TNPO1: variants seen among roughly 807,000 people sequenced by gnomAD.
TNPO1 encodes transportin-1.
Under a neutral mutation model 119.5 loss-of-function variants are expected in TNPO1, and 8 were observed. That is an observed-to-expected ratio of 0.07 (90% CI 0.04 to 0.12). The LOEUF is 0.12. TNPO1 is among the 10% of genes least tolerant of loss of function. The pLI is 1.00. For missense variants in TNPO1, 576 were observed against 1,089.8 expected (o/e 0.53, Z 6.64); for synonymous variants, 362 against 363.0 (o/e 1.00, Z 0.03).
intron 1 of TNPO1, among the ~76,000 whole-genome samples, chr5:72,839,568 C>T (rs1463600595): frequency 6.6e-6 from 1 of 152,092 alleles, no homozygotes; most frequent in Non-Finnish European, 1.5e-5. Flanking sequence ...TATTATGTAA[C>T]TTTAAATAGT....
chr5:72,872,409 C>G (rs1412356090), intron 6 of TNPO1, among the ~76,000 whole-genome samples: 3 of 152,106 alleles, frequency 2.0e-5, no homozygotes, highest in Non-Finnish European at 4.4e-5. Flanking sequence ...CATGTCCTTT[C>G]TAACATTTTT....
At chr5:72,819,135 G>A (rs1743832434) in intron 1 of TNPO1, among the ~76,000 whole-genome samples, 2 of 152,156 alleles carry the variant, frequency 1.3e-5, no homozygotes, top group African/African-American at 4.8e-5. Flanking sequence ...GCAAGGCGCC[G>A]CCATCTGGTC....
rs1026126919 is a variant in TNPO1 at position 72,838,544 on chromosome 5, C to T, written c.16-9841C>T. On this transcript the variant is annotated intron_variant, in intron 1 of 24. Transcript: ENST00000337273. ...TTGCATCATAGCCTTTTTTTACCAG[C>T]TCCTTAAATTCAGTAAGTATAGCTA... Among the ~76,000 whole-genome samples the T allele has an allele frequency of 2.0e-5, 3 of 152,124 alleles. No homozygotes were observed. The East Asian group carries it at 5.8e-4, about 29-fold the overall frequency.
intron 9 of TNPO1, among the ~76,000 whole-genome samples, chr5:72,878,128 C>T (rs1430603989): frequency 1.3e-5 from 2 of 151,862 alleles, no homozygotes; most frequent in East Asian, 3.9e-4. Flanking sequence ...ACATAAATGA[C>T]GATTATATAT....
chr5:72,905,215 A>G, intron 23 of TNPO1, 88 bp from the exon 24 acceptor site: 1 of 986,228 alleles, frequency 1.0e-6, no homozygotes, highest in Non-Finnish European at 1.5e-6. Context: ...AAATTTATAA[A>G]AAAATCAGCT....
At chr5:72,849,299 G>T (rs1745374484) in intron 2 of TNPO1, among the ~76,000 whole-genome samples, 1 of 152,150 alleles carries the variant, frequency 6.6e-6, no homozygotes, top group South Asian at 2.1e-4. Context: ...TTTCTGTAGT[G>T]CCCTAAACCG....
chr5:72,860,864 C>G (rs1043356548), intron 4 of TNPO1, among the ~76,000 whole-genome samples: 6 of 151,932 alleles, frequency 3.9e-5, no homozygotes, highest in African/African-American at 1.5e-4. Flanking sequence ...TTAAGTGCTG[C>G]TAACGTTTTG....
chr5:72,848,195 A>C, intron 1 of TNPO1, 190 bp from the exon 2 acceptor site: 1 of 1,225,534 alleles, frequency 8.2e-7, no homozygotes, highest in Non-Finnish European at 1.0e-6. Context: ...CCGGGCTGCC[A>C]GGAGCAGTTC....
In TNPO1 at chr5:72,913,389, A is replaced by G. The variant is rs909758149; in HGVS notation, c.*4716A>G. On this transcript the variant is annotated 3_prime_UTR_variant, in exon 25 of 25. Coordinates refer to ENST00000337273, the MANE Select transcript of TNPO1 (RefSeq NM_002270.4). ...ATACATATTAATTTTTAAGGTATAC[A>G]TTTAAATTACACAATTGTTCATTGT... The G allele has an allele frequency of 1.3e-5, 2 of 152,376 alleles. No homozygotes were observed. Among genetic ancestry groups the G allele is most frequent in the Admixed American group, 6.5e-5 (1 of 15,274 alleles). 9.4% of individuals were successfully genotyped at this position (152,376 alleles called of 1,614,324 possible). A position where few individuals can be genotyped will look rare whatever the true frequency, so the allele number is the denominator to read the frequency against.
At chr5:72,829,296 G>A (rs1744341592) in intron 1 of TNPO1, among the ~76,000 whole-genome samples, 1 of 152,182 alleles carries the variant, frequency 6.6e-6, no homozygotes, top group Non-Finnish European at 1.5e-5. Context: ...GAGGGTTAGT[G>A]AGTAAAGACT....
At chr5:72,901,442 T>C (rs1399899812) in intron 22 of TNPO1, among the ~76,000 whole-genome samples, 2 of 152,240 alleles carry the variant, frequency 1.3e-5, no homozygotes, top group Non-Finnish European at 2.9e-5. Flanking sequence ...ATAGTAGGAA[T>C]ACTGTCTCTC....
intron 5 of TNPO1, among the ~76,000 whole-genome samples, chr5:72,863,925 G>A (rs1056864447): frequency 1.6e-4 from 25 of 152,138 alleles, no homozygotes; most frequent in Admixed American, 4.6e-4. Context: ...TTAAGCTGCA[G>A]TAATTGTGAA....
At chr5:72,907,917 G>A (rs1283121815) in intron 24 of TNPO1, among the ~76,000 whole-genome samples, 1 of 151,864 alleles carries the variant, frequency 6.6e-6, no homozygotes, top group Admixed American at 6.6e-5. Context: ...AGCTGGGCAT[G>A]GTGGTATGTA....
intron 22 of TNPO1, 38 bp downstream of exon 22, chr5:72,901,111 T>A: frequency 7.3e-7 from 1 of 1,365,498 alleles, no homozygotes; most frequent in Non-Finnish European, 1.0e-6. Flanking sequence ...AATGTCTAAT[T>A]AATAAAATTT....
chr5:72,869,824 T>C (rs1747241457), intron 6 of TNPO1, among the ~76,000 whole-genome samples: 1 of 152,222 alleles, frequency 6.6e-6, no homozygotes, highest in African/African-American at 2.4e-5. Context: ...AATTAACAAA[T>C]TGATATTGAT....
chr5:72,865,865 A>G (rs1328981237), intron 6 of TNPO1, 136 bp downstream of exon 6: 5 of 941,566 alleles, frequency 5.3e-6, no homozygotes, highest in South Asian at 1.9e-5. Context: ...AACTTATGTA[A>G]TTGAAATTGA....
At chr5:72,822,368 G>A (rs904649830) in intron 1 of TNPO1, among the ~76,000 whole-genome samples, 1 of 150,644 alleles carries the variant, frequency 6.6e-6, no homozygotes, top group African/African-American at 2.4e-5. Flanking sequence ...AAAAAGTTTT[G>A]TTAGTATGTA....
chr5:72,816,866 G>C (rs1167535643), intron 1 of TNPO1, 114 bp downstream of exon 1: 7 of 1,327,212 alleles, frequency 5.3e-6, no homozygotes, highest in Non-Finnish European at 7.1e-6. Context: ...CGCTCTCTCG[G>C]CGCCTGCCCG....
chr5:72,824,460 C>A (rs1452103665), intron 1 of TNPO1, among the ~76,000 whole-genome samples: 1 of 152,222 alleles, frequency 6.6e-6, no homozygotes, highest in Non-Finnish European at 1.5e-5. Context: ...TCTGGTTCTT[C>A]AGTAGCCCCC....
Sources: allele counts gnomAD v4.1 joint callset (sites outside exome capture counted in the v4.1 genomes callset), GRCh38; gene constraint gnomAD v4.1.1; transcripts MANE v1.5; gene names NCBI Gene and HGNC (gene_info 2026-07-23, HGNC 2026-07-21).